FGF13: variants seen among roughly 807,000 people sequenced by gnomAD.
FGF13 encodes the protein fibroblast growth factor 13, also known as fibroblast growth factor homologous factor 2.
In FGF13, 2 loss-of-function variants were observed where a neutral mutation model predicts 19.5. The observed-to-expected ratio is 0.10, with a 90% CI of 0.04 to 0.32. The LOEUF (loss-of-function observed/expected upper bound fraction) is 0.32. FGF13 is among the 10% of genes least tolerant of loss of function. The probability of loss-of-function intolerance (pLI) is 1.00; values close to 1 mark genes in which losing one functional copy is unlikely to be tolerated. For missense variants in FGF13, 113 were observed against 192.7 expected (o/e 0.59, Z 2.45); for synonymous variants, 72 against 76.9 (o/e 0.94, Z 0.33).
intron 1 of FGF13, among the ~76,000 whole-genome samples, chrX:139,196,933 G>A (rs1313028731): frequency 8.9e-6 from 1 of 112,342 alleles, no homozygotes; most frequent in Non-Finnish European, 1.9e-5. Context: ...TTTCTGCCAC[G>A]TATCTAGGTG....
At chrX:139,172,399 T>A (rs781663410) in intron 1 of FGF13, among the ~76,000 whole-genome samples, 11 of 111,389 alleles carry the variant, frequency 9.9e-5, no homozygotes, top group South Asian at 3.8e-4. Flanking sequence ...ATATGGGGCT[T>A]GCGTCCAAAC....
chrX:139,146,650 C>T (rs887914176), intron 1 of FGF13, among the ~76,000 whole-genome samples: 2 of 112,145 alleles, frequency 1.8e-5, no homozygotes, highest in African/African-American at 6.5e-5. Context: ...AATCATGCTG[C>T]TATAAATACA....
intron 1 of FGF13, among the ~76,000 whole-genome samples, chrX:139,055,307 T>C (rs906431361): frequency 8.9e-6 from 1 of 112,012 alleles, no homozygotes; most frequent in African/African-American, 3.2e-5. Flanking sequence ...TATTATGTTG[T>C]AGTCATTGCT....
intron 3 of FGF13, among the ~76,000 whole-genome samples, chrX:138,702,778 A>T (rs190702187): frequency 1.8e-5 from 2 of 112,810 alleles, no homozygotes; most frequent in East Asian, 5.5e-4. Context: ...ATCTTTGATT[A>T]TATACTAAAA....
intron 3 of FGF13, among the ~76,000 whole-genome samples, chrX:138,836,448 C>G (rs2091112904): frequency 8.9e-6 from 1 of 111,858 alleles, no homozygotes; most frequent in African/African-American, 3.3e-5. Flanking sequence ...TCTTCAAGCT[C>G]TGAGAGTCTT....
chrX:138,943,768 T>C (rs953211514), intron 1 of FGF13, among the ~76,000 whole-genome samples: 2 of 111,545 alleles, frequency 1.8e-5, no homozygotes, highest in African/African-American at 6.5e-5. Flanking sequence ...ATTTCACTGC[T>C]GAGAATAATT....
chrX:139,156,289 C>G (rs1237964358), intron 1 of FGF13, among the ~76,000 whole-genome samples: 1 of 111,704 alleles, frequency 9.0e-6, no homozygotes. Flanking sequence ...CCCCTCTCCC[C>G]TCACATTCTA....
chrX:138,877,353 A>T (rs1276187045), intron 1 of FGF13, among the ~76,000 whole-genome samples: 1 of 112,267 alleles, frequency 8.9e-6, no homozygotes, highest in Admixed American at 9.4e-5. Flanking sequence ...AGAGAAAAAG[A>T]CGTGAAAACA....
At chrX:139,129,178 C>CAT (rs1247702705) in intron 1 of FGF13, among the ~76,000 whole-genome samples, 1 of 72,144 alleles carries the variant, frequency 1.4e-5, no homozygotes, top group Non-Finnish European at 3.0e-5. Context: ...CACACACACA[C>CAT]ACATGTGTGT....
chrX:139,083,827 C>T (rs189800796), intron 1 of FGF13, among the ~76,000 whole-genome samples: 71 of 110,960 alleles, frequency 6.4e-4, no homozygotes, highest in African/African-American at 2.2e-3. Context: ...GCCGAGATCC[C>T]GCCACTGCAT....
intron 3 of FGF13, among the ~76,000 whole-genome samples, chrX:138,782,811 T>C (rs1224523970): frequency 6.0e-5 from 6 of 100,669 alleles, no homozygotes; most frequent in Non-Finnish European, 1.2e-4. Flanking sequence ...TGGAAAAAAC[T>C]ACTTTAAAGT....
intron 1 of FGF13, among the ~76,000 whole-genome samples, chrX:138,868,614 G>A (rs748039039): frequency 9.0e-6 from 1 of 110,520 alleles, no homozygotes; most frequent in South Asian, 3.9e-4. Context: ...TTCAATTTTT[G>A]GAGTATTAAA....
rs773601860 is a variant in FGF13, at chrX:139,175,742, G to A, written c.-113+27674C>T. 1.4e-4 allele frequency among the ~76,000 whole-genome samples: 16 copies of A among 111,948 alleles called. No individual in the cohort carries two copies. The South Asian group carries it at 5.7e-3, about 40-fold the overall frequency. ...TGTTAAACCAGCCTTGCATCCCAGGGATGAAGCCCACTTGATTGTAGTGGA... is the reference window on the plus strand; with the variant it reads ...TGTTAAACCAGCCTTGCATCCCAGGAATGAAGCCCACTTGATTGTAGTGGA... On this transcript the variant is annotated intron_variant, in intron 1 of 2. Coordinates refer to the FGF13 transcript ENST00000421460.
intron 1 of FGF13, among the ~76,000 whole-genome samples, chrX:138,946,972 C>A (rs1167091015): frequency 8.9e-6 from 1 of 112,148 alleles, no homozygotes; most frequent in Non-Finnish European, 1.9e-5. Flanking sequence ...TTTGTTGTAA[C>A]AAAACAAACA....
chrX:138,795,423 A>G (rs2090770859), intron 3 of FGF13, among the ~76,000 whole-genome samples: 1 of 112,510 alleles, frequency 8.9e-6, no homozygotes, highest in Non-Finnish European at 1.9e-5. Flanking sequence ...ACTCTGAATC[A>G]TCAAGATCAA....
At chrX:139,142,827 C>T (rs1381137999) in intron 1 of FGF13, among the ~76,000 whole-genome samples, 1 of 111,904 alleles carries the variant, frequency 8.9e-6, no homozygotes, top group African/African-American at 3.2e-5. Context: ...TCGCATGTAA[C>T]TGAAAATTGA....
At chrX:138,843,024 G>A (rs1054320574) in intron 3 of FGF13, among the ~76,000 whole-genome samples, 15 of 111,527 alleles carry the variant, frequency 1.3e-4, no homozygotes, top group Admixed American at 5.7e-4. Flanking sequence ...GTATGAGAAT[G>A]TGTTGCTTGA....
intron 1 of FGF13, among the ~76,000 whole-genome samples, chrX:139,154,100 C>A (rs920398587): frequency 2.7e-5 from 3 of 111,473 alleles, no homozygotes; most frequent in Admixed American, 1.9e-4. Flanking sequence ...GAGAAAAGAC[C>A]AAACACAAAA....
chrX:138,775,312 G>A (rs907943378), intron 3 of FGF13, among the ~76,000 whole-genome samples: 9 of 112,039 alleles, frequency 8.0e-5, no homozygotes, highest in African/African-American at 2.9e-4. Flanking sequence ...TAATCAGGAA[G>A]AGAAAAATAC....
Sources: gnomAD v4.1 joint callset for allele counts (sites outside exome capture counted in the v4.1 genomes callset) on GRCh38, gnomAD v4.1.1 for gene constraint, MANE v1.5 for transcripts, NCBI Gene and HGNC (gene_info 2026-07-23, HGNC 2026-07-21) for gene names.